SRGAP3: variants seen among roughly 807,000 people sequenced by gnomAD.
SRGAP3 encodes the protein SLIT-ROBO Rho GTPase activating protein 3.
SRGAP3 carries 39 observed loss-of-function variants against 121.1 expected under a neutral mutation model. The observed-to-expected ratio is 0.32, with a 90% CI of 0.25 to 0.42. The LOEUF (loss-of-function observed/expected upper bound fraction) is 0.42, where lower values mean the gene tolerates loss of function less well. Among genes scored for constraint, SRGAP3 ranks in the 10% least tolerant of loss-of-function variants. SRGAP3 has a pLI of 1.00. For missense variants in SRGAP3, 1,213 were observed against 1,470.6 expected (o/e 0.82, Z 2.86); for synonymous variants, 601 against 570.0 (o/e 1.05, Z -0.77).
chr3:9,157,408 G>A (rs1380803566), intron 1 of SRGAP3, among the ~76,000 whole-genome samples: 6 of 152,150 alleles, frequency 3.9e-5, no homozygotes, highest in African/African-American at 9.7e-5. Context: ...ACAATTCCAC[G>A]TGAGATTAGG....
At chr3:9,310,141 G>A (rs996367132) in intron 3 of SRGAP3, among the ~76,000 whole-genome samples, 12 of 152,238 alleles carry the variant, frequency 7.9e-5, no homozygotes, top group African/African-American at 2.6e-4. Flanking sequence ...TAAGCTAATC[G>A]GTAGCAGAGC....
intron 1 of SRGAP3, among the ~76,000 whole-genome samples, chr3:9,203,011 C>A (rs144819744): frequency 6.6e-6 from 1 of 152,338 alleles, no homozygotes; most frequent in East Asian, 1.9e-4. Flanking sequence ...CTTGTGGGAT[C>A]AGCTGAGGCT....
chr3:9,046,394 G>C lies in SRGAP3; in HGVS notation c.1408+997C>G, dbSNP rs192480047. 2.4e-3 allele frequency among the ~76,000 whole-genome samples: 361 copies of C among 152,356 alleles called. 1 individual carries two copies. The highest frequency in any genetic ancestry group is 8.1e-3 in the African/African-American group (335 of 41,586). ...ATGCAGATGCAAAGGCCCTGGGGCAGGAATAAGCTTGGTGAGTCCTGAAGG... is the reference window on the plus strand; with the variant it reads ...ATGCAGATGCAAAGGCCCTGGGGCACGAATAAGCTTGGTGAGTCCTGAAGG... On this transcript the variant is annotated intron_variant, in intron 10 of 21. Transcript: ENST00000383836.
chr3:9,115,746 T>C (rs140959179), intron 2 of SRGAP3, among the ~76,000 whole-genome samples: 2 of 152,310 alleles, frequency 1.3e-5, no homozygotes, highest in Non-Finnish European at 2.9e-5. Flanking sequence ...CTTCAGGATT[T>C]TTGCCATTCC....
intron 1 of SRGAP3, among the ~76,000 whole-genome samples, chr3:9,145,365 G>A (rs1290747329): frequency 6.6e-6 from 1 of 151,814 alleles, no homozygotes; most frequent in Admixed American, 6.6e-5. Context: ...CAAAGTGCTG[G>A]GATTATAGGC....
chr3:9,047,286 G>T (rs890881809), intron 10 of SRGAP3, 105 bp downstream of exon 10: 9 of 1,175,478 alleles, frequency 7.7e-6, no homozygotes, highest in East Asian at 2.5e-5. Flanking sequence ...CATTCTGCCA[G>T]GTGCCTGCTG....
chr3:9,034,594 A>C (rs551366388), intron 11 of SRGAP3: 1 of 152,386 alleles, frequency 6.6e-6, no homozygotes, highest in South Asian at 2.1e-4. Context: ...CATGCCACCC[A>C]AACAATGGAA....
rs1312695379 is a variant in SRGAP3, at chr3:8,983,498, C to T, written c.*2021G>A. 4.4e-6 allele frequency: 1 copy of T among 229,856 alleles called. No homozygotes were observed. The highest frequency in any genetic ancestry group is 8.6e-6 in the Non-Finnish European group (1 of 116,048). The allele number at this position is 229,856 out of a possible 1,614,324, so 14.2% of individuals were successfully genotyped here. ...TGCCAGTGACTTAACTAGGTCCCTC[C>T]CTTTGGGTGTATTTACCTTTTCGCG... On this transcript the variant is annotated 3_prime_UTR_variant, in exon 22 of 22. Transcript: ENST00000383836.
At chr3:9,093,818 T>A (rs1208064207) in intron 3 of SRGAP3, among the ~76,000 whole-genome samples, 4 of 152,220 alleles carry the variant, frequency 2.6e-5, no homozygotes, top group Non-Finnish European at 4.4e-5. Context: ...GAACCTTCAA[T>A]GGATCTCTAA....
chr3:9,213,475 C>T (rs1371205440), intron 1 of SRGAP3, among the ~76,000 whole-genome samples: 1 of 152,204 alleles, frequency 6.6e-6, no homozygotes, highest in Admixed American at 6.5e-5. Context: ...AAGCAGCTCC[C>T]TGAGCTTCAC....
intron 1 of SRGAP3, among the ~76,000 whole-genome samples, chr3:9,141,147 A>C (rs1467066133): frequency 6.6e-6 from 1 of 152,188 alleles, no homozygotes; most frequent in East Asian, 1.9e-4. Flanking sequence ...TGCTGGATTC[A>C]AACCCAGAGC....
intron 20 of SRGAP3, 44 bp downstream of exon 20, chr3:8,992,862 C>T (rs1437614347): frequency 4.3e-6 from 7 of 1,613,844 alleles, no homozygotes; most frequent in Non-Finnish European, 5.9e-6. Flanking sequence ...CAGACATGAA[C>T]AGGATTGACA....
intron 11 of SRGAP3, among the ~76,000 whole-genome samples, chr3:9,033,107 T>C (rs1944574098): frequency 6.6e-6 from 1 of 152,234 alleles, no homozygotes; most frequent in Admixed American, 6.5e-5. Context: ...ATGTAATCTG[T>C]AGCCCGAGAA....
chr3:9,272,610 T>A (rs1188069216), intron 3 of SRGAP3, among the ~76,000 whole-genome samples: 1 of 152,220 alleles, frequency 6.6e-6, no homozygotes, highest in Non-Finnish European at 1.5e-5. Flanking sequence ...ATGAATAATA[T>A]TCTAATGTAT....
intron 3 of SRGAP3, among the ~76,000 whole-genome samples, chr3:9,095,725 G>A (rs1275631062): frequency 6.6e-6 from 1 of 152,292 alleles, no homozygotes. Flanking sequence ...TATCACTCCA[G>A]AGGAAGCCTT....
chr3:9,145,369 T>A (rs1253035267), intron 1 of SRGAP3, among the ~76,000 whole-genome samples: 1 of 152,234 alleles, frequency 6.6e-6, no homozygotes, highest in Non-Finnish European at 1.5e-5. Context: ...GTGCTGGGAT[T>A]ATAGGCACGA....
intron 3 of SRGAP3, among the ~76,000 whole-genome samples, chr3:9,263,788 G>C (rs548252183): frequency 6.6e-6 from 1 of 152,222 alleles, no homozygotes; most frequent in African/African-American, 2.4e-5. Context: ...TTCTACCAGA[G>C]GTACAAAGAG....
chr3:8,983,379 T>G lies in SRGAP3; in HGVS notation c.*2140A>C, dbSNP rs183116478. 92 of 229,974 alleles carry G rather than the reference T, an allele frequency of 4.0e-4. 1 individual carries two copies. Among genetic ancestry groups the G allele is most frequent in the Admixed American group, 1.4e-3 (25 of 17,674 alleles). The allele number at this position is 229,974 out of a possible 1,614,324, so 14.2% of individuals were successfully genotyped here. ...CACTGGCCTCTCCCTGAGATCCCTT[T>G]TTTTGTTCCTCTCCTGATGCTCCCT... is the stretch of plus-strand genomic sequence containing the variant. On this transcript the variant is annotated 3_prime_UTR_variant, in exon 22 of 22. Coordinates refer to ENST00000383836, the MANE Select transcript of SRGAP3 (RefSeq NM_014850.4).
At chr3:9,133,571 C>T (rs1331713972) in intron 1 of SRGAP3, among the ~76,000 whole-genome samples, 1 of 152,182 alleles carries the variant, frequency 6.6e-6, no homozygotes, top group African/African-American at 2.4e-5. Flanking sequence ...CACTAGAATT[C>T]CACTGTAAGT....
Sources: gnomAD v4.1 joint callset for allele counts (sites outside exome capture counted in the v4.1 genomes callset) on GRCh38, gnomAD v4.1.1 for gene constraint, MANE v1.5 for transcripts, NCBI Gene and HGNC (gene_info 2026-07-23, HGNC 2026-07-21) for gene names.